Variants in ATP2B2 observed in about 807,000 individuals in gnomAD.
ATP2B2 encodes the protein plasma membrane calcium-transporting ATPase 2.
A neutral mutation model predicts 120.0 loss-of-function variants in ATP2B2; 15 were observed. The ratio of observed to expected loss-of-function variants is 0.12; its 90% CI spans 0.08 to 0.19. The LOEUF is 0.19. ATP2B2 is among the 10% of genes least tolerant of loss of function. ATP2B2 has a pLI of 1.00. For synonymous variants in ATP2B2, 694 were observed against 700.3 expected, an observed-to-expected ratio of 0.99 and a Z score of 0.14; for missense variants, 1,045 against 1,719.8, an observed-to-expected ratio of 0.61 and a Z score of 6.94.
chr3:10,475,175 G>T (rs1237943442), intron 1 of ATP2B2, among the ~76,000 whole-genome samples: 2 of 152,234 alleles, frequency 1.3e-5, no homozygotes, highest in Admixed American at 1.3e-4. Flanking sequence ...GCAGTAGGAG[G>T]AGGAAAAAAT....
chr3:10,350,332 G>C, intron 15 of ATP2B2, 66 bp downstream of exon 15: 2 of 1,607,434 alleles, frequency 1.2e-6, no homozygotes, highest in South Asian at 2.2e-5. Context: ...CAATCATGCA[G>C]CACCCTACCT....
At chr3:10,486,324 C>CGTGTGTGCGTGTGTGCGTGCGTGT in intron 1 of ATP2B2, among the ~76,000 whole-genome samples, 2 of 117,174 alleles carry the variant, frequency 1.7e-5, no homozygotes, top group South Asian at 5.1e-4. Context: ...TGTGTGCGTG[C>CGTGTGTGCGTGTGTGCGTGCGTGT]GTGTGTGTGT....
At position 10,360,031 on chromosome 3, in the gene ATP2B2, G is replaced by A. The variant is rs143161877; in HGVS notation, c.1752C>T (p.Tyr584=). 1.2e-4 allele frequency: 201 copies of A among 1,613,990 alleles called. 1 individual carries two copies. Among genetic ancestry groups the A allele is most frequent in the African/African-American group, 4.1e-4 (31 of 74,948 alleles). Residue 584 remains tyrosine (Y), a synonymous_variant, in exon 13 of 23, where the codon TAC becomes TAT. Coordinates refer to ENST00000360273, the MANE Select transcript of ATP2B2 (RefSeq NM_001001331.4). ...LGFVLDLKQD[Y]EPVRSQMPEE... is the part of the protein sequence containing the mutation. The stretch of plus-strand genomic sequence containing the variant: ...CTGGCATCTGGCTGCGCACGGGCTC[G>A]TAGTCCTGCTTCAGGTCCAGCACGA...
rs556106355 is a variant in ATP2B2, at chr3:10,669,937, C to CT, written c.-460+37977dup. Among the ~76,000 whole-genome samples, 485 of 152,310 alleles carry CT rather than the reference C, an allele frequency of 3.2e-3. 5 individuals carry two copies. The highest frequency in any genetic ancestry group is 0.011 in the African/African-American group (451 of 41,568). On this transcript the variant is annotated intron_variant, in intron 1 of 21. Coordinates refer to the ATP2B2 transcript ENST00000646379. ...AATCCCAACAGGCGGAAGCACTGGG[C>CT]TGGCCATAGAGAAAATGGTATTCAA... is the stretch of plus-strand genomic sequence containing the variant.
intron 14 of ATP2B2, among the ~76,000 whole-genome samples, chr3:10,356,304 A>G (rs1368935750): frequency 6.6e-6 from 1 of 152,016 alleles, no homozygotes; most frequent in African/African-American, 2.4e-5. Context: ...TTCTTCTGGA[A>G]ATTGGGGTTT....
chr3:10,468,597 C>T (rs1293663577), intron 1 of ATP2B2, among the ~76,000 whole-genome samples: 2 of 152,206 alleles, frequency 1.3e-5, no homozygotes, highest in East Asian at 3.9e-4. Context: ...CTTTGTCTCA[C>T]CTGTAACCCT....
chr3:10,523,682 G>GA (rs1402038705), intron 3 of ATP2B2, among the ~76,000 whole-genome samples: 1 of 152,140 alleles, frequency 6.6e-6, no homozygotes, highest in African/African-American at 2.4e-5. Flanking sequence ...TGGTTCACAG[G>GA]AAAAATGCCC....
At chr3:10,609,549 C>T (rs1271352129) in intron 2 of ATP2B2, among the ~76,000 whole-genome samples, 1 of 152,158 alleles carries the variant, frequency 6.6e-6, no homozygotes, top group Non-Finnish European at 1.5e-5. Flanking sequence ...AAGCACTTGC[C>T]AGTATAGAAA....
At chr3:10,531,081 G>C (rs531734680) in intron 3 of ATP2B2, among the ~76,000 whole-genome samples, 1 of 152,296 alleles carries the variant, frequency 6.6e-6, no homozygotes, top group East Asian at 1.9e-4. Context: ...GCAGTGACTC[G>C]AGCTGCTTTG....
At chr3:10,497,892 G>A (rs2066220116) in intron 1 of ATP2B2, among the ~76,000 whole-genome samples, 1 of 152,200 alleles carries the variant, frequency 6.6e-6, no homozygotes, top group Non-Finnish European at 1.5e-5. Context: ...AAAGGACCCA[G>A]TGAGGGACTC....
intron 3 of ATP2B2, among the ~76,000 whole-genome samples, chr3:10,405,944 C>T (rs144740739): frequency 3.3e-5 from 5 of 152,320 alleles, no homozygotes; most frequent in Non-Finnish European, 4.4e-5. Flanking sequence ...CCTAGCCCTG[C>T]CATGAACATG....
intron 1 of ATP2B2, among the ~76,000 whole-genome samples, chr3:10,458,161 T>C (rs1413022252): frequency 1.3e-5 from 2 of 152,100 alleles, no homozygotes; most frequent in Admixed American, 1.3e-4. Context: ...AATCTCTCCA[T>C]CCATCTGTTC....
At chr3:10,469,099 G>A (rs1191055666) in intron 1 of ATP2B2, among the ~76,000 whole-genome samples, 1 of 152,216 alleles carries the variant, frequency 6.6e-6, no homozygotes, top group Non-Finnish European at 1.5e-5. Context: ...AATGCAGTGT[G>A]GATGGAGAGG....
chr3:10,554,193 T>G (rs1276889252), intron 2 of ATP2B2, among the ~76,000 whole-genome samples: 1 of 152,098 alleles, frequency 6.6e-6, no homozygotes, highest in Admixed American at 6.5e-5. Flanking sequence ...TCACTTTGTT[T>G]TCAAAGCAGC....
intron 1 of ATP2B2, among the ~76,000 whole-genome samples, chr3:10,478,614 T>G (rs556126195): frequency 6.6e-6 from 1 of 152,320 alleles, no homozygotes; most frequent in East Asian, 1.9e-4. Flanking sequence ...CCTCATCTTC[T>G]CTCCAGGTGG....
intron 2 of ATP2B2, among the ~76,000 whole-genome samples, chr3:10,549,016 G>T (rs973139301): frequency 3.3e-5 from 5 of 152,134 alleles, no homozygotes; most frequent in African/African-American, 1.2e-4. Flanking sequence ...GAAATCAATT[G>T]CCTGTCAAGC....
chr3:10,632,896 T>G (rs1050799840), intron 1 of ATP2B2, among the ~76,000 whole-genome samples: 1 of 152,192 alleles, frequency 6.6e-6, no homozygotes, highest in African/African-American at 2.4e-5. Flanking sequence ...TGTCCTGCTC[T>G]CCTCCTCTCA....
chr3:10,504,565 C>T (rs1445918359), intron 1 of ATP2B2, among the ~76,000 whole-genome samples: 2 of 151,074 alleles, frequency 1.3e-5, no homozygotes, highest in East Asian at 2.0e-4. Context: ...CCAGAGCACC[C>T]CCCCAACCCC....
At position 10,336,189 on chromosome 3, in the gene ATP2B2, G is replaced by A. The variant is rs1221454139; in HGVS notation, c.3420+1987C>T. ...GAAAGAGCATTGGACAACGACACGC[G>A]ACTAGGGCTAGAGAGATTGGCTACA... is the stretch of plus-strand genomic sequence containing the variant. On this transcript the variant is annotated intron_variant, in intron 22 of 22. Coordinates refer to ENST00000360273, the MANE Select transcript of ATP2B2 (RefSeq NM_001001331.4). The A allele has an allele frequency of 5.8e-6, 9 of 1,550,544 alleles. 1 individual carries two copies. The East Asian group carries it at 7.3e-5, about 13-fold the overall frequency.
Sources: allele counts gnomAD v4.1 joint callset (sites outside exome capture counted in the v4.1 genomes callset), GRCh38; gene constraint gnomAD v4.1.1; transcripts MANE v1.5; gene names NCBI Gene and HGNC (gene_info 2026-07-23, HGNC 2026-07-21).